The following ZNF573 variants were observed in gnomAD, a reference collection of about 807,000 sequenced individuals.
ZNF573 encodes zinc finger protein 573.
Under a neutral mutation model 57.4 loss-of-function variants are expected in ZNF573, and 41 were observed. The ratio of observed to expected loss-of-function variants is 0.71; its 90% CI spans 0.56 to 0.93. ZNF573 has a LOEUF of 0.93. Among genes scored for constraint, ZNF573 ranks in the 40% least tolerant of loss-of-function variants. The pLI is 0.00. For missense variants in ZNF573, 730 were observed against 794.8 expected (o/e 0.92, Z 0.98); for synonymous variants, 249 against 261.0 (o/e 0.95, Z 0.44).
rs147356270 is a variant in ZNF573, at chr19:37,740,001, T to C, written c.489A>G (p.Glu163=). 6.2e-7 allele frequency: 1 copy of C among 1,614,206 alleles called. No individual in the cohort carries two copies. The highest frequency in any genetic ancestry group is 8.5e-7 in the Non-Finnish European group (1 of 1,180,028). The change falls in exon 5 of 5, where the codon GAA becomes GAG. Residue 163 remains glutamate, a synonymous_variant. Transcript: ENST00000536220. ...HRFHVIERPY[E]CKECGKNFRS... ...GAAAGTTCTTCCCACACTCTTTGCA[T>C]TCATAGGGTCTCTCAATGACATGAA...
chr19:37,758,203 ATATATATATATATATAT>A (rs1334861930), intron 4 of ZNF573, among the ~76,000 whole-genome samples: 1,744 of 52,012 alleles, frequency 0.034, 294 homozygotes, highest in East Asian at 0.048. Flanking sequence ...GTATAATAAA[ATATATATATATATATAT>A]ATATATATAT....
chr19:37,738,818 C>A lies in ZNF573; in HGVS notation c.1672G>T (p.Glu558Ter). The A allele has an allele frequency of 1.2e-6, 2 of 1,613,640 alleles. No homozygotes were observed. Among genetic ancestry groups the A allele is most frequent in the Non-Finnish European group, 8.5e-7 (1 of 1,179,920 alleles). Residue 558 changes from glutamate (E) to a stop codon, truncating the protein, a stop_gained, in exon 5 of 5, where the codon GAA (glutamate) becomes TAA (stop). Coordinates refer to ENST00000536220, the MANE Select transcript of ZNF573 (RefSeq NM_001172690.2). LOFTEE classifies it high-confidence loss of function. ...CTACGTCTAAAGGTCTTCCCACATT[C>A]CTTACATTCAAAAGGTTTCTCATCA... ...HTDEKPFECK[E>*]CGKTFRRSSH...
chr19:37,757,936 G>A (rs977160423), intron 4 of ZNF573, among the ~76,000 whole-genome samples: 4 of 151,314 alleles, frequency 2.6e-5, no homozygotes, highest in East Asian at 3.9e-4. Context: ...GCAAACTATC[G>A]CAAGGACAAA....
intron 4 of ZNF573, among the ~76,000 whole-genome samples, chr19:37,754,535 A>C (rs1290149283): frequency 2.0e-5 from 3 of 151,606 alleles, no homozygotes; most frequent in Non-Finnish European, 2.9e-5. Context: ...AAAAAAAAAA[A>C]AATGAAACCA....
rs1599679024 is a variant in ZNF573 at position 37,738,689 on chromosome 19, G to A, written c.1801C>T (p.Gln601Ter). ...FKMYGYLTQH[Q>*]KIHTGGKPYE... The stretch of plus-strand genomic sequence containing the variant: ...GGTTTTCCACCAGTATGAATTTTCT[G>A]ATGTTGGGTAAGGTAGCCATACATT... Residue 601 changes from glutamine to a stop codon, truncating the protein, a stop_gained, in exon 5 of 5, where the codon CAG (glutamine) becomes TAG (stop). Coordinates refer to ENST00000536220, the MANE Select transcript of ZNF573 (RefSeq NM_001172690.2). LOFTEE classifies it high-confidence loss of function. 6.2e-7 allele frequency: 1 copy of A among 1,611,422 alleles called. No individual in the cohort carries two copies. The highest frequency in any genetic ancestry group is 1.3e-5 in the African/African-American group (1 of 74,846).
chr19:37,769,286 T>G (rs1230152256), intron 4 of ZNF573, among the ~76,000 whole-genome samples: 1 of 151,966 alleles, frequency 6.6e-6, no homozygotes, highest in African/African-American at 2.4e-5. Flanking sequence ...TATTTTTATG[T>G]GTTCTTTAGT....
At chr19:37,744,282 C>T (rs1222850398) in intron 4 of ZNF573, among the ~76,000 whole-genome samples, 3 of 152,048 alleles carry the variant, frequency 2.0e-5, no homozygotes, top group Admixed American at 1.3e-4. Context: ...TTGGAGTTTG[C>T]ATGGTGGTTA....
rs2045311468 is a variant in ZNF573 at position 37,740,055 on chromosome 19, A to G, written c.435T>C (p.Ser145=). ...ECKKCQKKFS[S]GYQLILHHRF... is the part of the protein sequence containing the mutation. ...TGTGATGTAGAATAAGTTGATAACC[A>G]CTACTAAATTTCTTCTGACATTTCT... The change falls in exon 5 of 5, where the codon AGT becomes AGC. Residue 145 remains serine (S), a synonymous_variant. Coordinates refer to ENST00000536220, the MANE Select transcript of ZNF573 (RefSeq NM_001172690.2). The G allele has an allele frequency of 6.2e-7, 1 of 1,614,004 alleles. No individual in the cohort carries two copies. The highest frequency in any genetic ancestry group is 1.3e-5 in the African/African-American group (1 of 74,924).
At chr19:37,768,112 G>A (rs1484386269) in intron 4 of ZNF573, among the ~76,000 whole-genome samples, 1 of 152,090 alleles carries the variant, frequency 6.6e-6, no homozygotes, top group East Asian at 1.9e-4. Flanking sequence ...AAATTTTTAA[G>A]TTTTAACTCC....
At chr19:37,777,482 A>T (rs905704363) in intron 1 of ZNF573, among the ~76,000 whole-genome samples, 3 of 152,238 alleles carry the variant, frequency 2.0e-5, no homozygotes, top group Non-Finnish European at 4.4e-5. Flanking sequence ...GGAATGAAAT[A>T]ACAGCATTGG....
intron 4 of ZNF573, among the ~76,000 whole-genome samples, chr19:37,756,905 T>C (rs1343279184): frequency 1.3e-5 from 2 of 151,938 alleles, no homozygotes; most frequent in African/African-American, 4.8e-5. Context: ...ACAAATTATC[T>C]TCCAACAAAA....
chr19:37,753,844 G>A (rs1359615693), intron 4 of ZNF573, among the ~76,000 whole-genome samples: 2 of 152,154 alleles, frequency 1.3e-5, no homozygotes, highest in East Asian at 3.8e-4. Flanking sequence ...GAAAGTAAAG[G>A]AGCAATAGGT....
At chr19:37,743,284 C>T (rs1389717065) in intron 4 of ZNF573, among the ~76,000 whole-genome samples, 1 of 137,562 alleles carries the variant, frequency 7.3e-6, no homozygotes, top group African/African-American at 2.7e-5. Flanking sequence ...CAAGCCACTG[C>T]ACTCCAGCCT....
chr19:37,767,590 T>C (rs2045614119), intron 4 of ZNF573, among the ~76,000 whole-genome samples: 1 of 152,178 alleles, frequency 6.6e-6, no homozygotes, highest in Non-Finnish European at 1.5e-5. Flanking sequence ...CTTCTCGCTT[T>C]GCTGGCTCTC....
chr19:37,774,523 T>C (rs2045690217), intron 1 of ZNF573, among the ~76,000 whole-genome samples: 1 of 152,154 alleles, frequency 6.6e-6, no homozygotes, highest in Non-Finnish European at 1.5e-5. Context: ...GGAGGAAATG[T>C]TTAGGCCTGG....
chr19:37,764,331 T>G (rs1478245431), intron 4 of ZNF573, among the ~76,000 whole-genome samples: 1 of 151,386 alleles, frequency 6.6e-6, no homozygotes, highest in Non-Finnish European at 1.5e-5. Context: ...TTTGTTGTTT[T>G]TTTTTCTTAA....
rs1301543277 is a variant in ZNF573, at chr19:37,738,479, A to T, written c.*13T>A. Reference sequence around the variant, plus strand: ...GTCTGATGATGAATGGCGCGCTCGTACTCTTTACGGTCTTACACTTTTATG... The same window carrying T: ...GTCTGATGATGAATGGCGCGCTCGTTCTCTTTACGGTCTTACACTTTTATG... On this transcript the variant is annotated 3_prime_UTR_variant, in exon 5 of 5. Coordinates refer to ENST00000536220, the MANE Select transcript of ZNF573 (RefSeq NM_001172690.2). 4.6e-6 allele frequency: 7 copies of T among 1,513,046 alleles called. No individual in the cohort carries two copies. Among genetic ancestry groups the T allele is most frequent in the Non-Finnish European group, 5.3e-6 (6 of 1,133,236 alleles). The allele number at this position is 1,513,046 out of a possible 1,614,324, so 93.7% of individuals were successfully genotyped here.
intron 4 of ZNF573, among the ~76,000 whole-genome samples, chr19:37,744,907 G>A (rs1171979164): frequency 1.3e-5 from 2 of 151,078 alleles, no homozygotes; most frequent in East Asian, 2.0e-4. Flanking sequence ...TCAGCCTCCC[G>A]AGTAGCTGGG....
chr19:37,758,202 AATATATATATATATATATAT>A (rs550290940), intron 4 of ZNF573, among the ~76,000 whole-genome samples: 28 of 17,186 alleles, frequency 1.6e-3, no homozygotes, highest in East Asian at 4.3e-3. Flanking sequence ...AGTATAATAA[AATATATATATATATATATAT>A]ATATATATAT....
Sources: gnomAD v4.1 joint callset for allele counts (sites outside exome capture counted in the v4.1 genomes callset) on GRCh38, gnomAD v4.1.1 for gene constraint, MANE v1.5 for transcripts, NCBI Gene and HGNC (gene_info 2026-07-23, HGNC 2026-07-21) for gene names.